The following CELSR1 variants were observed in gnomAD, a reference collection of about 807,000 sequenced individuals.
CELSR1 encodes cadherin EGF LAG seven-pass G-type receptor 1, also known as adhesion G protein-coupled receptor C1.
Under a neutral mutation model 249.1 loss-of-function variants are expected in CELSR1, and 110 were observed. That is an observed-to-expected ratio of 0.44 (90% confidence interval 0.38 to 0.52). The LOEUF (loss-of-function observed/expected upper bound fraction) is 0.52, where lower values mean the gene tolerates loss of function less well. Among genes scored for constraint, CELSR1 ranks in the 20% least tolerant of loss-of-function variants. The probability of loss-of-function intolerance (pLI) is 0.00; values close to 1 mark genes in which losing one functional copy is unlikely to be tolerated. For synonymous variants in CELSR1, 2,113 were observed against 1,900.0 expected (o/e 1.11, Z -2.92); for missense variants, 4,109 against 4,296.4 (o/e 0.96, Z 1.22).
At chr22:46,372,438 C>T (rs1180298919) in intron 25 of CELSR1, among the ~76,000 whole-genome samples, 2 of 120,606 alleles carry the variant, frequency 1.7e-5, no homozygotes, top group Non-Finnish European at 3.5e-5. Context: ...CTCATTCACC[C>T]CCATCCATCC....
In CELSR1 at chr22:46,378,279, C is replaced by T. The variant is rs117120883; in HGVS notation, c.7383+312G>A. 7.2e-4 allele frequency among the ~76,000 whole-genome samples: 110 copies of T among 152,312 alleles called. 2 individuals carry two copies. In the South Asian group the frequency reaches 0.013, roughly 18 times the overall value. ...TGAGGGGCAGGTTCCGAGAGCTCCT[C>T]GGAGCCTGAGCTTTGGGTCTGCCAT... On this transcript the variant is annotated intron_variant, in intron 23 of 34. Transcript: ENST00000674500.
At chr22:46,479,143 C>T (rs752294154) in intron 1 of CELSR1, among the ~76,000 whole-genome samples, 1 of 151,844 alleles carries the variant, frequency 6.6e-6, no homozygotes, top group African/African-American at 2.4e-5. Context: ...CCCGGAGTCT[C>T]GCATGCTCAC....
At chr22:46,463,538 A>AT (rs55835855) in intron 2 of CELSR1, among the ~76,000 whole-genome samples, 169 bp downstream of exon 2, 1 of 151,118 alleles carries the variant, frequency 6.6e-6, no homozygotes, top group Non-Finnish European at 1.5e-5. Flanking sequence ...AAAAAAAAAA[A>AT]GTACCGTTAC....
intron 5 of CELSR1, among the ~76,000 whole-genome samples, chr22:46,414,451 C>T (rs1216719077): frequency 6.6e-6 from 1 of 152,262 alleles, no homozygotes; most frequent in Non-Finnish European, 1.5e-5. Flanking sequence ...CATCCCTCTC[C>T]TGTCACCCCT....
chr22:46,502,195 C>G (rs896486282), intron 1 of CELSR1, among the ~76,000 whole-genome samples: 1 of 140,096 alleles, frequency 7.1e-6, no homozygotes, highest in Admixed American at 7.7e-5. Context: ...CCCAGGAGGT[C>G]GGGGCTGCAG....
chr22:46,515,570 CG>C (rs2080618355), intron 1 of CELSR1, among the ~76,000 whole-genome samples: 1 of 152,130 alleles, frequency 6.6e-6, no homozygotes. Flanking sequence ...CAGGGCACCC[CG>C]GGGGCTGGAG....
rs3788680 is a variant in CELSR1 at position 46,379,777 on chromosome 22, G to A, written c.7256+1011C>T. Among the ~76,000 whole-genome samples, 40 of 152,264 alleles carry A rather than the reference G, an allele frequency of 2.6e-4. No homozygotes were observed. In the East Asian group the frequency reaches 4.2e-3, roughly 16 times the overall value. On this transcript the variant is annotated intron_variant, in intron 22 of 34. Transcript: ENST00000674500. ...GGGGCAGCGTTCCTGCTGCACAGACGTCCCCAGATGCACAACGCTCCGCAG... is the reference window on the plus strand; with the variant it reads ...GGGGCAGCGTTCCTGCTGCACAGACATCCCCAGATGCACAACGCTCCGCAG...
rs956275728 is a variant in CELSR1 at position 46,399,648 on chromosome 22, G to C, written c.5412+69C>G. The C allele has an allele frequency of 1.3e-6, 2 of 1,507,604 alleles. No homozygotes were observed. The highest frequency in any genetic ancestry group is 1.8e-4 in the Middle Eastern group (1 of 5,568). 93.4% of individuals were successfully genotyped at this position (1,507,604 alleles called of 1,614,324 possible). On this transcript the variant is annotated intron_variant, in intron 10 of 34. Coordinates refer to ENST00000674500, the MANE Select transcript of CELSR1 (RefSeq NM_001378328.1). This position sits in a 1 kb window ranked among gnomAD's most constrained non-coding sequence, Gnocchi z 5.0. ...CTCTGGTGGGTCCTGGCACGTCAAG[G>C]GGTCATTCTGTTTTTCCCTGGGCCG...
chr22:46,438,138 C>A (rs1467099607), intron 3 of CELSR1, among the ~76,000 whole-genome samples: 2 of 150,808 alleles, frequency 1.3e-5, no homozygotes, highest in Non-Finnish European at 2.9e-5. Flanking sequence ...TGGAACAATG[C>A]AAGCAAAAAG....
chr22:46,448,039 T>G lies in CELSR1; in HGVS notation c.4184-8628A>C, dbSNP rs1386830914. On this transcript the variant is annotated intron_variant, in intron 2 of 34. Coordinates refer to ENST00000674500, the MANE Select transcript of CELSR1 (RefSeq NM_001378328.1). This position sits in a 1 kb window ranked among gnomAD's most constrained non-coding sequence, Gnocchi z 5.7. ...TGTCCCATACCAGGCTTGGGGCTGG[T>G]GCACTGCCCTGCCTGCCCAGAGACC... Among the ~76,000 whole-genome samples, 1 of 152,214 alleles carries G rather than the reference T, an allele frequency of 6.6e-6. No homozygotes were observed. The highest frequency in any genetic ancestry group is 2.4e-5 in the African/African-American group (1 of 41,458).
rs1476572860 is a variant in CELSR1, at chr22:46,366,490, G to A, written c.8206-10C>T. 7 of 1,548,000 alleles carry A rather than the reference G, an allele frequency of 4.5e-6. No homozygotes were observed. The highest frequency in any genetic ancestry group is 1.7e-4 in the Middle Eastern group (1 of 5,964). ...TGCAGTTGAGGGAGCGCTGAAGGGAGGGGAGGGGCTGGTCACTGCCAAGTG... is the reference window on the plus strand; with the variant it reads ...TGCAGTTGAGGGAGCGCTGAAGGGAAGGGAGGGGCTGGTCACTGCCAAGTG... On this transcript the variant is annotated splice_polypyrimidine_tract_variant and intron_variant, in intron 29 of 34. Coordinates refer to ENST00000674500, the MANE Select transcript of CELSR1 (RefSeq NM_001378328.1).
At position 46,423,171 on chromosome 22, in the gene CELSR1, G is replaced by C. The variant is rs2079497750; in HGVS notation, c.4611+10222C>G. Among the ~76,000 whole-genome samples, 2 of 152,258 alleles carry C rather than the reference G, an allele frequency of 1.3e-5. No homozygotes were observed. The highest frequency in any genetic ancestry group is 4.8e-5 in the African/African-American group (2 of 41,474). ...ACCAAGTGAACGGCCAGGGTGGCCT[G>C]CTGGAAGATGAGAGGCCCCAGCTGC... On this transcript the variant is annotated intron_variant, in intron 5 of 34. Transcript: ENST00000674500. This position sits in a 1 kb window ranked among gnomAD's most constrained non-coding sequence, Gnocchi z 5.6.
At chr22:46,481,385 G>A (rs1333779386) in intron 1 of CELSR1, 2 of 1,012,396 alleles carry the variant, frequency 2.0e-6, no homozygotes, top group Non-Finnish European at 3.1e-6. Context: ...GGGAGCAGGT[G>A]CATGTGGTCA....
chr22:46,402,552 T>C lies in CELSR1; in HGVS notation c.5227-2650A>G, dbSNP rs1024322128. Among the ~76,000 whole-genome samples the C allele has an allele frequency of 6.6e-6, 1 of 152,106 alleles. No individual in the cohort carries two copies. On this transcript the variant is annotated intron_variant, in intron 9 of 34. Transcript: ENST00000674500. The surrounding 1 kb of genome is among the most constrained non-coding windows in gnomAD (Gnocchi z 5.0). ...TTTCAAATGCTCTCTAGTTTTTCAA[T>C]AAAATGTCTAGCACTCAATAAAAAA...
rs2079583890 is a variant in CELSR1 at position 46,430,580 on chromosome 22, CCT to C, written c.4611+2811_4611+2812del. 6.6e-6 allele frequency among the ~76,000 whole-genome samples: 1 copy of C among 152,160 alleles called. No individual in the cohort carries two copies. The highest frequency in any genetic ancestry group is 2.4e-5 in the African/African-American group (1 of 41,418). ...CCTCCTCCTGGGGGTCCCCTCCCAC[CCT>C]GAGCCTGTCGTCTTCCCCAAAACCT... On this transcript the variant is annotated intron_variant, in intron 5 of 34. Coordinates refer to ENST00000674500, the MANE Select transcript of CELSR1 (RefSeq NM_001378328.1). This position sits in a 1 kb window ranked among gnomAD's most constrained non-coding sequence, Gnocchi z 4.6.
rs2079209699 is a variant in CELSR1, at chr22:46,401,446, G to C, written c.5227-1544C>G. On this transcript the variant is annotated intron_variant, in intron 9 of 34. Transcript: ENST00000674500. The surrounding 1 kb of genome is among the most constrained non-coding windows in gnomAD (Gnocchi z 4.7). ...GTTTCAGGCTCACAACCAAGGAAAA[G>C]ACAGAATCTGCAAAACAGCGTGGCG... 6.6e-6 allele frequency among the ~76,000 whole-genome samples: 1 copy of C among 152,202 alleles called. No homozygotes were observed. The highest frequency in any genetic ancestry group is 1.5e-5 in the Non-Finnish European group (1 of 68,036).
Position 46,399,468 on chromosome 22 carries a change from T to G in CELSR1, c.5412+249A>C, listed in dbSNP as rs1282193396. On this transcript the variant is annotated intron_variant, in intron 10 of 34. Coordinates refer to ENST00000674500, the MANE Select transcript of CELSR1 (RefSeq NM_001378328.1). The surrounding 1 kb of genome is among the most constrained non-coding windows in gnomAD (Gnocchi z 5.0). ...ACTGCTGAAGGCACCAACAGCATCA[T>G]GATGAGAAATGCAGCTGGAGGAAGT... Among the ~76,000 whole-genome samples the G allele has an allele frequency of 6.6e-6, 1 of 152,104 alleles. No homozygotes were observed. Among genetic ancestry groups the G allele is most frequent in the East Asian group, 1.9e-4 (1 of 5,184 alleles).
chr22:46,421,136 CAT>C (rs1432677858), intron 5 of CELSR1, among the ~76,000 whole-genome samples: 3 of 152,224 alleles, frequency 2.0e-5, no homozygotes, highest in Non-Finnish European at 4.4e-5. Context: ...GGGGGACACA[CAT>C]GAGCCTGGCA....
Position 46,389,216 on chromosome 22 carries a change from C to A in CELSR1, c.6555+74G>T. On this transcript the variant is annotated intron_variant, in intron 18 of 34. Transcript: ENST00000674500. ...TCCACGAACTGAGGTAGACGCCCAG[C>A]CCCACAGCACCCACCCACGGGCATC... 4 of 1,491,842 alleles carry A rather than the reference C, an allele frequency of 2.7e-6. No homozygotes were observed. In the South Asian group the frequency reaches 4.5e-5, roughly 17 times the overall value. The allele number at this position is 1,491,842 out of a possible 1,614,324, so 92.4% of individuals were successfully genotyped here.
Sources: allele counts gnomAD v4.1 joint callset (sites outside exome capture counted in the v4.1 genomes callset), GRCh38; gene constraint gnomAD v4.1.1; non-coding constraint Gnocchi (gnomAD v3.1); transcripts MANE v1.5; gene names NCBI Gene and HGNC (gene_info 2026-07-23, HGNC 2026-07-21).